DPYD: variants seen among roughly 807,000 people sequenced by gnomAD.
The protein encoded by DPYD is dihydropyrimidine dehydrogenase, also known as dihydropyrimidine dehydrogenase [NADP(+)].
Under a neutral mutation model 116.2 loss-of-function variants are expected in DPYD, and 109 were observed. That is an observed-to-expected ratio of 0.94 (90% CI 0.80 to 1.10). The LOEUF (loss-of-function observed/expected upper bound fraction) is 1.10, where lower values mean the gene tolerates loss of function less well. DPYD is among the 50% of genes least tolerant of loss of function. The pLI is 0.00. For missense variants in DPYD, 1,302 were observed against 1,254.5 expected (o/e 1.04, Z -0.57); for synonymous variants, 440 against 432.0 (o/e 1.02, Z -0.23).
intron 20 of DPYD, among the ~76,000 whole-genome samples, chr1:97,117,251 A>C (rs2101636182): frequency 6.6e-6 from 1 of 152,290 alleles, no homozygotes; most frequent in South Asian, 2.1e-4. Context: ...TAAAATCTTT[A>C]TTGATTGATT....
intron 19 of DPYD, among the ~76,000 whole-genome samples, chr1:97,228,301 T>A (rs1437018745): frequency 6.6e-6 from 1 of 152,110 alleles, no homozygotes; most frequent in Non-Finnish European, 1.5e-5. Flanking sequence ...ATCACACTTA[T>A]GCAACTTATG....
intron 8 of DPYD, among the ~76,000 whole-genome samples, chr1:97,643,607 A>C (rs1658063395): frequency 6.6e-6 from 1 of 152,200 alleles, no homozygotes; most frequent in Admixed American, 6.5e-5. Flanking sequence ...AGGATGATAA[A>C]TCATTCTACT....
intron 20 of DPYD, among the ~76,000 whole-genome samples, chr1:97,161,600 T>C (rs2991263): frequency 0.15 from 23,472 of 151,632 alleles, 1,918 homozygotes; most frequent in East Asian, 0.28. Context: ...CTTTAAGTTT[T>C]AGGGTACATG....
At chr1:97,695,348 T>G (rs1490274191) in intron 6 of DPYD, among the ~76,000 whole-genome samples, 1 of 149,678 alleles carries the variant, frequency 6.7e-6, no homozygotes, top group African/African-American at 2.5e-5. Flanking sequence ...GACCAGAGGA[T>G]AGCATGTTAA....
intron 11 of DPYD, among the ~76,000 whole-genome samples, chr1:97,555,076 C>T (rs1651593887): frequency 6.6e-6 from 1 of 152,134 alleles, no homozygotes; most frequent in Admixed American, 6.6e-5. Context: ...AAAGTATGGT[C>T]TCCACGGTCA....
At chr1:97,776,646 G>A (rs1666421856) in intron 3 of DPYD, among the ~76,000 whole-genome samples, 1 of 152,120 alleles carries the variant, frequency 6.6e-6, no homozygotes. Flanking sequence ...CCTCTGTTTT[G>A]CACAGACAAT....
intron 14 of DPYD, among the ~76,000 whole-genome samples, chr1:97,392,871 A>C (rs1194740542): frequency 6.6e-6 from 1 of 151,996 alleles, no homozygotes; most frequent in African/African-American, 2.4e-5. Flanking sequence ...TGAATCCCTC[A>C]CAAGGCTTGC....
At chr1:97,752,290 T>TCA (rs146577982) in intron 3 of DPYD, among the ~76,000 whole-genome samples, 14,825 of 145,838 alleles carry the variant, frequency 0.1, 866 homozygotes, top group African/African-American at 0.18. Flanking sequence ...TAAACCTACT[T>TCA]CACACACACA....
chr1:97,574,179 C>A lies in DPYD; in HGVS notation c.1129-209G>T, dbSNP rs535004861. 1.2e-4 allele frequency among the ~76,000 whole-genome samples: 19 copies of A among 152,148 alleles called. No homozygotes were observed. The South Asian group carries it at 3.9e-3, about 32-fold the overall frequency. On this transcript the variant is annotated intron_variant, in intron 10 of 22. Coordinates refer to ENST00000370192, the MANE Select transcript of DPYD (RefSeq NM_000110.4). ...TCTTGAATTGGAGTTGTAATGTGGA[C>A]GTTTATAGATCACGGCATCATAAGG...
chr1:97,756,823 T>C (rs1187052833), intron 3 of DPYD, among the ~76,000 whole-genome samples: 1 of 152,184 alleles, frequency 6.6e-6, no homozygotes, highest in Non-Finnish European at 1.5e-5. Context: ...TTCAGTTAAA[T>C]ATGCTATATT....
At chr1:97,411,656 T>C (rs1674000749) in intron 14 of DPYD, among the ~76,000 whole-genome samples, 1 of 152,208 alleles carries the variant, frequency 6.6e-6, no homozygotes, top group Non-Finnish European at 1.5e-5. Context: ...AGTTGATGCT[T>C]AGGGATCAAC....
intron 1 of DPYD, 100 bp from the exon 2 acceptor site, chr1:97,883,474 T>C (rs1189720131): frequency 1.1e-6 from 1 of 900,324 alleles, no homozygotes; most frequent in African/African-American, 1.7e-5. Flanking sequence ...ACACGGTCTC[T>C]CTCACTTTGT....
chr1:97,242,972 T>A (rs1662476835), intron 18 of DPYD, among the ~76,000 whole-genome samples: 1 of 151,838 alleles, frequency 6.6e-6, no homozygotes, highest in Non-Finnish European at 1.5e-5. Flanking sequence ...ATGTAGCAAA[T>A]TGGAACGAAC....
intron 20 of DPYD, among the ~76,000 whole-genome samples, chr1:97,124,670 A>G (rs941837752): frequency 1.3e-5 from 2 of 152,104 alleles, no homozygotes; most frequent in African/African-American, 4.8e-5. Context: ...TTCAGTGGAT[A>G]TAAGTCCACT....
chr1:97,195,846 A>G (rs1249567133), intron 19 of DPYD, among the ~76,000 whole-genome samples: 1 of 150,916 alleles, frequency 6.6e-6, no homozygotes, highest in African/African-American at 2.4e-5. Context: ...GAGTTAAGTC[A>G]GGCGCTGCAG....
At chr1:97,119,991 A>G (rs576024709) in intron 20 of DPYD, among the ~76,000 whole-genome samples, 3 of 152,246 alleles carry the variant, frequency 2.0e-5, no homozygotes, top group Admixed American at 2.0e-4. Flanking sequence ...AGACCCGCAG[A>G]TGGTCAGTGC....
rs189188324 is a variant in DPYD at position 97,478,816 on chromosome 1, T to A, written c.1741-28593A>T. ...CTGTTATCTAATGTAGTTACCTTCA[T>A]CAGTTCTCTTAGCTGGATCGGGATA... On this transcript the variant is annotated intron_variant, in intron 13 of 22. Coordinates refer to ENST00000370192, the MANE Select transcript of DPYD (RefSeq NM_000110.4). 8.8e-4 allele frequency among the ~76,000 whole-genome samples: 134 copies of A among 152,358 alleles called. 1 individual carries two copies. The highest frequency in any genetic ancestry group is 3.0e-3 in the African/African-American group (125 of 41,574).
intron 20 of DPYD, among the ~76,000 whole-genome samples, chr1:97,136,446 G>A (rs957103255): frequency 3.3e-5 from 5 of 152,132 alleles, no homozygotes; most frequent in African/African-American, 1.2e-4. Context: ...TACACTGTGT[G>A]GACTGCCTCG....
intron 1 of DPYD, among the ~76,000 whole-genome samples, chr1:97,906,651 A>G (rs1167874209): frequency 6.6e-6 from 1 of 152,092 alleles, no homozygotes; most frequent in Non-Finnish European, 1.5e-5. Context: ...GGATGTCTGA[A>G]ACTGCAGATA....
Sources: allele counts gnomAD v4.1 joint callset (sites outside exome capture counted in the v4.1 genomes callset), GRCh38; gene constraint gnomAD v4.1.1; transcripts MANE v1.5; gene names NCBI Gene and HGNC (gene_info 2026-07-23, HGNC 2026-07-21).